The following SLMAP variants were observed in gnomAD, a reference collection of about 807,000 sequenced individuals.
SLMAP encodes the protein sarcolemmal membrane-associated protein.
SLMAP carries 44 observed loss-of-function variants against 128.8 expected under a neutral mutation model. The ratio of observed to expected loss-of-function variants is 0.34; its 90% CI spans 0.27 to 0.44. The LOEUF (loss-of-function observed/expected upper bound fraction) is 0.44, where lower values mean the gene tolerates loss of function less well. Ranked by LOEUF, SLMAP falls within the 20% of genes least tolerant of loss-of-function variation. SLMAP has a pLI of 1.00. For synonymous variants in SLMAP, 327 were observed against 348.8 expected, an observed-to-expected ratio of 0.94 and a Z score of 0.70; for missense variants, 787 against 985.3, an observed-to-expected ratio of 0.80 and a Z score of 2.69.
intron 2 of SLMAP, chr3:57,801,165 G>C (rs1166883963): frequency 1.3e-5 from 2 of 152,610 alleles, no homozygotes; most frequent in Non-Finnish European, 2.9e-5. Flanking sequence ...TCACAAAAAT[G>C]ACAGAAATGT....
Position 57,928,799 on chromosome 3 carries a change from C to A in SLMAP, c.*1510C>A, listed in dbSNP as rs536012751. ...TGATGTTTGGCAGTCACTGTTTATA[C>A]TTTAAAGGTTATATTTTAAGCTATT... On this transcript the variant is annotated 3_prime_UTR_variant, in exon 25 of 25. Coordinates refer to ENST00000671191, the MANE Select transcript of SLMAP (RefSeq NM_001377540.1). The A allele has an allele frequency of 1.6e-4, 24 of 152,496 alleles. No individual in the cohort carries two copies. The highest frequency in any genetic ancestry group is 5.5e-4 in the African/African-American group (23 of 41,526). The allele number at this position is 152,496 out of a possible 1,614,324, so 9.4% of individuals were successfully genotyped here.
intron 2 of SLMAP, among the ~76,000 whole-genome samples, chr3:57,802,159 C>T (rs978511988): frequency 4.6e-5 from 7 of 152,160 alleles, no homozygotes; most frequent in South Asian, 2.1e-4. Context: ...AGTTACGCAA[C>T]GATCACTGTA....
At chr3:57,818,785 T>A (rs2153526177) in intron 2 of SLMAP, among the ~76,000 whole-genome samples, 1 of 152,322 alleles carries the variant, frequency 6.6e-6, no homozygotes, top group East Asian at 1.9e-4. Flanking sequence ...AAGCTTTGGC[T>A]CCAAAAACTT....
At chr3:57,886,686 G>C (rs2095898287) in intron 14 of SLMAP, among the ~76,000 whole-genome samples, 1 of 146,752 alleles carries the variant, frequency 6.8e-6, no homozygotes, top group South Asian at 2.1e-4. Flanking sequence ...GGGGGAGAGA[G>C]AGAATGGAAT....
intron 5 of SLMAP, among the ~76,000 whole-genome samples, chr3:57,848,786 T>C (rs2094394169): frequency 1.4e-5 from 2 of 144,498 alleles, no homozygotes; most frequent in African/African-American, 2.5e-5. Context: ...CTCAGTTTAC[T>C]GCAACCTCCG....
In SLMAP at chr3:57,861,966, T is replaced by C. The variant is rs2095088753; in HGVS notation, c.846T>C (p.Thr282=). The part of the protein sequence containing the change: ...LSEVERSLSN[T]EDECTHLKEM... The stretch of plus-strand genomic sequence containing the variant: ...AATCGCAGCGAAGTCTGAGTAATAC[T>C]GAAGATGAATGTACCCATCTGAAAG... Residue 282 remains threonine, a synonymous_variant, in exon 10 of 25, where the codon ACT becomes ACC. Coordinates refer to ENST00000671191, the MANE Select transcript of SLMAP (RefSeq NM_001377540.1). 6.2e-7 allele frequency: 1 copy of C among 1,612,114 alleles called. No homozygotes were observed. The highest frequency in any genetic ancestry group is 1.7e-5 in the Admixed American group (1 of 59,922).
chr3:57,760,822 G>T (rs1167319856), intron 2 of SLMAP, among the ~76,000 whole-genome samples: 1 of 152,070 alleles, frequency 6.6e-6, no homozygotes, highest in Non-Finnish European at 1.5e-5. Context: ...CTCCCTCCTG[G>T]GTTCAAGTGA....
chr3:57,915,207 A>C (rs2096786138), intron 21 of SLMAP, among the ~76,000 whole-genome samples: 1 of 152,170 alleles, frequency 6.6e-6, no homozygotes, highest in South Asian at 2.1e-4. Context: ...TAGATCCCTT[A>C]TTTTTAAGAT....
intron 3 of SLMAP, among the ~76,000 whole-genome samples, chr3:57,835,977 G>C (rs2093621395): frequency 6.6e-6 from 1 of 152,122 alleles, no homozygotes; most frequent in Non-Finnish European, 1.5e-5. Context: ...TTTGGCATCA[G>C]TGTGTATCAT....
chr3:57,848,281 T>C (rs2094348729), intron 5 of SLMAP, among the ~76,000 whole-genome samples: 2 of 149,422 alleles, frequency 1.3e-5, no homozygotes, highest in South Asian at 2.2e-4. Context: ...TACTCCATCT[T>C]CTCCTCCTCT....
intron 17 of SLMAP, chr3:57,897,641 A>G (rs1231589885): frequency 6.6e-6 from 1 of 152,038 alleles, no homozygotes; most frequent in East Asian, 1.9e-4. Context: ...GGTTGTGGTA[A>G]GAGGTCATGC....
intron 2 of SLMAP, 96 bp downstream of exon 2, chr3:57,757,945 T>G (rs2077890679): frequency 5.5e-6 from 6 of 1,091,326 alleles, no homozygotes; most frequent in Non-Finnish European, 8.2e-6. Flanking sequence ...ATCCCAGGGT[T>G]TGCATCCAGA....
At chr3:57,872,573 C>T (rs886725626) in intron 14 of SLMAP, among the ~76,000 whole-genome samples, 2 of 152,178 alleles carry the variant, frequency 1.3e-5, no homozygotes, top group Non-Finnish European at 2.9e-5. Context: ...GAGCCGAGGT[C>T]GTGCCACTGC....
At chr3:57,839,128 T>G (rs2093786958) in intron 3 of SLMAP, among the ~76,000 whole-genome samples, 1 of 151,756 alleles carries the variant, frequency 6.6e-6, no homozygotes, top group Non-Finnish European at 1.5e-5. Context: ...AATTTTAAAA[T>G]TTTTTGTAGA....
chr3:57,818,447 G>A (rs185539326), intron 2 of SLMAP, among the ~76,000 whole-genome samples: 81 of 152,260 alleles, frequency 5.3e-4, no homozygotes, highest in Admixed American at 4.1e-3. Context: ...GAGCCACTGC[G>A]CCTGGCCATA....
At chr3:57,789,082 C>T (rs1271024562) in intron 2 of SLMAP, among the ~76,000 whole-genome samples, 2 of 152,148 alleles carry the variant, frequency 1.3e-5, no homozygotes, top group African/African-American at 2.4e-5. Flanking sequence ...ACAGGTCAGG[C>T]ACTCTCTGTC....
intron 22 of SLMAP, chr3:57,918,231 T>TAACACCCATA: frequency 6.6e-6 from 1 of 152,252 alleles, no homozygotes; most frequent in Non-Finnish European, 1.5e-5. Context: ...GTAAGCACTT[T>TAACACCCATA]GTGTCCTTCC....
rs190640914 is a variant in SLMAP at position 57,884,885 on chromosome 3, G to A, written c.1301-5156G>A. ...TGGCCCAGTGGGTGTAATAAGCCCT[G>A]CAAATGCATGTAAGACTTTGTCAGC... On this transcript the variant is annotated intron_variant, in intron 14 of 24. Transcript: ENST00000671191. Among the ~76,000 whole-genome samples the A allele has an allele frequency of 2.6e-5, 4 of 152,236 alleles. No individual in the cohort carries two copies. In the East Asian group the frequency reaches 7.7e-4, roughly 29 times the overall value.
At chr3:57,891,876 C>G (rs1169941277) in intron 15 of SLMAP, among the ~76,000 whole-genome samples, 1 of 151,790 alleles carries the variant, frequency 6.6e-6, no homozygotes, top group Non-Finnish European at 1.5e-5. Context: ...CATGTCCGGC[C>G]TGGGTTTTTA....
Sources: gnomAD v4.1 joint callset for allele counts (sites outside exome capture counted in the v4.1 genomes callset) on GRCh38, gnomAD v4.1.1 for gene constraint, MANE v1.5 for transcripts, NCBI Gene and HGNC (gene_info 2026-07-23, HGNC 2026-07-21) for gene names.